MYO9B: variants seen among roughly 807,000 people sequenced by gnomAD.
MYO9B encodes myosin IXB.
A neutral mutation model predicts 229.5 loss-of-function variants in MYO9B; 71 were observed. The observed-to-expected ratio is 0.31, with a 90% CI of 0.26 to 0.38. The LOEUF is 0.38. MYO9B is among the 10% of genes least tolerant of loss of function. The pLI is 1.00. For synonymous variants in MYO9B, 1,185 were observed against 1,235.8 expected, an observed-to-expected ratio of 0.96 and a Z score of 0.86; for missense variants, 2,255 against 2,920.5, an observed-to-expected ratio of 0.77 and a Z score of 5.25.
At chr19:17,135,496 GA>G (rs2072258227) in intron 2 of MYO9B, among the ~76,000 whole-genome samples, 1 of 152,084 alleles carries the variant, frequency 6.6e-6, no homozygotes, top group African/African-American at 2.4e-5. Flanking sequence ...GAGACCGTGC[GA>G]GCCCCCGGCC....
At chr19:17,188,169 C>T in intron 19 of MYO9B, 124 bp downstream of exon 19, 1 of 772,186 alleles carries the variant, frequency 1.3e-6, no homozygotes, top group Middle Eastern at 2.7e-4. Flanking sequence ...TGGCTCACGC[C>T]TGTAATCCCA....
At chr19:17,161,824 AT>A (rs1485494840) in intron 8 of MYO9B, among the ~76,000 whole-genome samples, 1 of 151,662 alleles carries the variant, frequency 6.6e-6, no homozygotes, top group Non-Finnish European at 1.5e-5. Context: ...TCAAAAATAT[AT>A]GTATATATTA....
chr19:17,117,141 G>T (rs1182185651), intron 2 of MYO9B, among the ~76,000 whole-genome samples: 1 of 152,186 alleles, frequency 6.6e-6, no homozygotes, highest in African/African-American at 2.4e-5. Context: ...TACTGCTCCA[G>T]GGTTATGGAG....
chr19:17,182,337 C>T (rs1201785277), intron 15 of MYO9B, among the ~76,000 whole-genome samples: 1 of 152,178 alleles, frequency 6.6e-6, no homozygotes, highest in Non-Finnish European at 1.5e-5. Context: ...ATCTTCCTGC[C>T]TCAGCCTCTC....
chr19:17,103,085 G>A (rs996290586), intron 2 of MYO9B, among the ~76,000 whole-genome samples: 18 of 151,194 alleles, frequency 1.2e-4, no homozygotes, highest in Admixed American at 3.3e-4. Context: ...ACCGAAGTGC[G>A]GTGGCACACA....
rs144004328 is a variant in MYO9B, at chr19:17,140,359, G to A, written c.841-5038G>A. Among the ~76,000 whole-genome samples the A allele has an allele frequency of 8.2e-3, 1,249 of 152,264 alleles. 15 individuals carry two copies. The highest frequency in any genetic ancestry group is 0.024 in the Middle Eastern group (7 of 294). ...GTGTTTTTTCCCATGTCCTCACACG[G>A]TGGAAGGAGTGAGGGTGCTCTCTGG... On this transcript the variant is annotated intron_variant, in intron 2 of 39. Transcript: ENST00000682292.
intron 1 of MYO9B, among the ~76,000 whole-genome samples, chr19:17,099,681 G>A (rs573967930): frequency 2.0e-3 from 298 of 152,146 alleles, no homozygotes; most frequent in Admixed American, 3.7e-3. Flanking sequence ...AGCCAGGCGC[G>A]GTGGCGGGCG....
intron 2 of MYO9B, among the ~76,000 whole-genome samples, chr19:17,119,634 T>C (rs376485521): frequency 2.7e-4 from 40 of 150,712 alleles, no homozygotes; most frequent in African/African-American, 9.7e-4. Context: ...AGGAGTTTTT[T>C]GTTTGTTTGT....
intron 5 of MYO9B, 65 bp from the exon 6 acceptor site, chr19:17,154,250 T>C: frequency 6.6e-7 from 1 of 1,508,896 alleles, no homozygotes; most frequent in South Asian, 1.1e-5. Context: ...CCAGCCAAAA[T>C]CACTCTGGCA....
chr19:17,176,489 G>A (rs1255045355), intron 14 of MYO9B, among the ~76,000 whole-genome samples: 1 of 152,192 alleles, frequency 6.6e-6, no homozygotes, highest in Non-Finnish European at 1.5e-5. Flanking sequence ...AACCCAGGTC[G>A]AGGTTGCTCT....
At position 17,172,294 on chromosome 19, in the gene MYO9B, G is replaced by C; in HGVS notation, c.1794-42G>C. On this transcript the variant is annotated intron_variant, in intron 11 of 39. Transcript: ENST00000682292. This position sits in a 1 kb window ranked among gnomAD's most constrained non-coding sequence, Gnocchi z 8.2. Reference sequence around the variant, plus strand: ...GATAAAATACACAGCAGGTAAATCAGCCGCTGTTCATGCCTGCAAAGGTTC... The same window carrying C: ...GATAAAATACACAGCAGGTAAATCACCCGCTGTTCATGCCTGCAAAGGTTC... 1 of 1,608,906 alleles carries C rather than the reference G, an allele frequency of 6.2e-7. No individual in the cohort carries two copies. Among genetic ancestry groups the C allele is most frequent in the Non-Finnish European group, 8.5e-7 (1 of 1,176,732 alleles).
intron 13 of MYO9B, among the ~76,000 whole-genome samples, chr19:17,175,225 T>C (rs1278981224): frequency 1.3e-5 from 2 of 149,474 alleles, no homozygotes; most frequent in Non-Finnish European, 3.0e-5. Flanking sequence ...CGAGCTGTGA[T>C]CGCACCACTG....
chr19:17,175,611 C>T, intron 13 of MYO9B, 52 bp from the exon 14 acceptor site: 2 of 1,321,330 alleles, frequency 1.5e-6, no homozygotes, highest in Non-Finnish European at 2.1e-6. Flanking sequence ...AAAATAATTG[C>T]AGCCTCCATA....
chr19:17,205,928 C>T, intron 31 of MYO9B, 32 bp from the exon 32 acceptor site: 1 of 1,532,464 alleles, frequency 6.5e-7, no homozygotes, highest in Non-Finnish European at 8.8e-7. Context: ...GACAGCCAGG[C>T]CCAGACCTGA....
chr19:17,098,455 C>T (rs919128767), intron 1 of MYO9B, among the ~76,000 whole-genome samples: 3 of 152,174 alleles, frequency 2.0e-5, no homozygotes, highest in African/African-American at 7.2e-5. Context: ...GCTGGATTCA[C>T]GTCTACACTC....
At chr19:17,176,832 G>T (rs974852644) in intron 14 of MYO9B, among the ~76,000 whole-genome samples, 1 of 152,194 alleles carries the variant, frequency 6.6e-6, no homozygotes, top group South Asian at 2.1e-4. Context: ...GAGATGACAC[G>T]GGGTCTTTTG....
At chr19:17,208,515 T>G (rs943105060) in intron 35 of MYO9B, among the ~76,000 whole-genome samples, 6 of 150,390 alleles carry the variant, frequency 4.0e-5, no homozygotes, top group Non-Finnish European at 7.4e-5. Context: ...CACTGCAAGC[T>G]CCGCCTCCCG....
At chr19:17,090,358 C>T (rs1568654711) in intron 1 of MYO9B, among the ~76,000 whole-genome samples, 1 of 151,940 alleles carries the variant, frequency 6.6e-6, no homozygotes, top group South Asian at 2.1e-4. Context: ...GCCATGTTCC[C>T]GAGGCTGGTC....
intron 2 of MYO9B, among the ~76,000 whole-genome samples, chr19:17,140,768 G>A (rs546561519): frequency 2.1e-4 from 31 of 150,600 alleles, no homozygotes; most frequent in Admixed American, 9.9e-4. Flanking sequence ...GATTACAGGC[G>A]TGAGCCACCG....
Sources: gnomAD v4.1 joint callset for allele counts (sites outside exome capture counted in the v4.1 genomes callset) on GRCh38, gnomAD v4.1.1 for gene constraint, Gnocchi (gnomAD v3.1) non-coding constraint, MANE v1.5 for transcripts, NCBI Gene and HGNC (gene_info 2026-07-23, HGNC 2026-07-21) for gene names.